The following ATP2B1 variants were observed in gnomAD, a reference collection of about 807,000 sequenced individuals.
The protein encoded by ATP2B1 is ATPase plasma membrane Ca2+ transporting 1, also known as plasma membrane calcium-transporting ATPase 1.
Under a neutral mutation model 124.2 loss-of-function variants are expected in ATP2B1, and 14 were observed. The ratio of observed to expected loss-of-function variants is 0.11; its 90% CI spans 0.07 to 0.18. The LOEUF (loss-of-function observed/expected upper bound fraction) is 0.18, where lower values mean the gene tolerates loss of function less well. Ranked by LOEUF, ATP2B1 falls within the 10% of genes least tolerant of loss-of-function variation. The pLI is 1.00. For missense variants in ATP2B1, 763 were observed against 1,466.1 expected, an observed-to-expected ratio of 0.52 and a Z score of 7.83; for synonymous variants, 449 against 492.4, an observed-to-expected ratio of 0.91 and a Z score of 1.17.
chr12:89,610,322 T>C, intron 14 of ATP2B1, 99 bp downstream of exon 14: 1 of 1,016,278 alleles, frequency 9.8e-7, no homozygotes, highest in East Asian at 2.4e-5. Flanking sequence ...ACAGATGATA[T>C]CCATGACTCA....
At chr12:89,594,144 TACATAC>T (rs1874118245) in intron 20 of ATP2B1, 13 of 152,010 alleles carry the variant, frequency 8.6e-5, no homozygotes. Context: ...GTTCTCGAGA[TACATAC>T]AATAAAGCTC....
chr12:89,647,736 G>T (rs900203693), intron 2 of ATP2B1, among the ~76,000 whole-genome samples: 1 of 152,190 alleles, frequency 6.6e-6, no homozygotes, highest in Non-Finnish European at 1.5e-5. Flanking sequence ...ACGTTGAAAT[G>T]TGATTACAAA....
chr12:89,686,728 T>C (rs1348056656), intron 1 of ATP2B1, among the ~76,000 whole-genome samples: 1 of 152,164 alleles, frequency 6.6e-6, no homozygotes, highest in Non-Finnish European at 1.5e-5. Context: ...GGCATATTTA[T>C]GTTCATTCTC....
In ATP2B1 at chr12:89,591,115, T is replaced by C; in HGVS notation, c.3532A>G (p.Ser1178Gly). The C allele has an allele frequency of 1.2e-6, 2 of 1,613,294 alleles. No individual in the cohort carries two copies. The highest frequency in any genetic ancestry group is 1.7e-6 in the Non-Finnish European group (2 of 1,179,412). The part of the protein sequence containing the change: ...EDDAPTKRNS[S>G]PPPSPNKNNN... ...TTTTTGTTGGGAGAGGGTGGAGGACTGGAGTTACGTTTTGTAGGAGCATCA... is the reference window on the plus strand; with the variant it reads ...TTTTTGTTGGGAGAGGGTGGAGGACCGGAGTTACGTTTTGTAGGAGCATCA... Residue 1178 changes from serine (S) to glycine (G), a missense_variant, in exon 21 of 21, where the codon AGT (serine) becomes GGT (glycine). Physicochemically the swap from Ser to Gly is moderately conservative, Grantham distance 56. This residue lies in a region of ATP2B1 where 97 missense variants were observed against 94.7 expected (regional missense o/e 1.02). Transcript: ENST00000428670.
At position 89,616,814 on chromosome 12, in the gene ATP2B1, A is replaced by G. The variant is rs1217365543; in HGVS notation, c.2055T>C (p.Pro685=). The part of the protein sequence containing the change: ...TCIAVVGIED[P]VRPEVPDAIK... ...AATGTTTCACCACCTCAGGTCTCAC[A>G]GGATCTTCAATCCCCACAACAGCAA... The change falls in exon 12 of 21, where the codon CCT becomes CCC. Residue 685 remains proline (P), a synonymous_variant. Coordinates refer to ENST00000428670, the MANE Select transcript of ATP2B1 (RefSeq NM_001366521.1). The G allele has an allele frequency of 6.2e-7, 1 of 1,613,324 alleles. No homozygotes were observed.
intron 1 of ATP2B1, among the ~76,000 whole-genome samples, chr12:89,707,845 G>A (rs902687333): frequency 6.6e-6 from 1 of 152,188 alleles, no homozygotes; most frequent in South Asian, 2.1e-4. Flanking sequence ...ATGGGATAAA[G>A]AGAGCACAGC....
chr12:89,643,065 T>TACACACACACACAC lies in ATP2B1; in HGVS notation c.209-724_209-711dup, dbSNP rs145355576. Among the ~76,000 whole-genome samples the TACACACACACACAC allele has an allele frequency of 7.1e-3, 1,018 of 143,608 alleles. 6 individuals carry two copies. The highest frequency in any genetic ancestry group is 0.011 in the Middle Eastern group (3 of 278). 94.2% of individuals were successfully genotyped at this position (143,608 alleles called of 152,430 possible). A position where few individuals can be genotyped will look rare whatever the true frequency, so the allele number is the denominator to read the frequency against. Reference sequence around the variant, plus strand: ...TGGGAAGTTTATATATAAAGATACATACACACACACACACACACACACACA... The same window carrying TACACACACACACAC: ...TGGGAAGTTTATATATAAAGATACATACACACACACACACACACACACACACACACACACACACA... On this transcript the variant is annotated intron_variant, in intron 2 of 20. Transcript: ENST00000428670.
chr12:89,604,602 A>C (rs1876478073), intron 15 of ATP2B1, among the ~76,000 whole-genome samples: 1 of 152,204 alleles, frequency 6.6e-6, no homozygotes, highest in Non-Finnish European at 1.5e-5. Flanking sequence ...ATGAACAAAG[A>C]CATTACCCAA....
chr12:89,602,520 T>TA (rs564811640), intron 18 of ATP2B1, among the ~76,000 whole-genome samples: 4 of 152,226 alleles, frequency 2.6e-5, no homozygotes, highest in Non-Finnish European at 5.9e-5. Flanking sequence ...CTTGTACAGA[T>TA]AGATTTCCAA....
At chr12:89,639,031 A>T in intron 3 of ATP2B1, among the ~76,000 whole-genome samples, 1 of 152,152 alleles carries the variant, frequency 6.6e-6, no homozygotes, top group East Asian at 1.9e-4. Context: ...CTATAGATTT[A>T]TTTATGGTTT....
At chr12:89,592,701 G>A (rs999066805) in intron 20 of ATP2B1, among the ~76,000 whole-genome samples, 14 of 152,068 alleles carry the variant, frequency 9.2e-5, no homozygotes, top group African/African-American at 3.4e-4. Flanking sequence ...ACTATAAAAT[G>A]GGAAATAGCA....
intron 8 of ATP2B1, among the ~76,000 whole-genome samples, chr12:89,626,071 G>A (rs893200177): frequency 6.6e-6 from 1 of 152,142 alleles, no homozygotes; most frequent in South Asian, 2.1e-4. Flanking sequence ...TAACATTAGA[G>A]ACATAACTAA....
chr12:89,668,813 A>G (rs1215123476), intron 1 of ATP2B1, among the ~76,000 whole-genome samples: 1 of 152,164 alleles, frequency 6.6e-6, no homozygotes, highest in Non-Finnish European at 1.5e-5. Flanking sequence ...ATTTGTTCCA[A>G]TATAGCTCTT....
intron 1 of ATP2B1, among the ~76,000 whole-genome samples, chr12:89,659,490 G>A (rs990556072): frequency 2.0e-5 from 3 of 152,092 alleles, no homozygotes; most frequent in South Asian, 2.1e-4. Context: ...ACTGTGAATG[G>A]GTAGGGCCTT....
chr12:89,591,877 A>C (rs1873637050), intron 20 of ATP2B1, among the ~76,000 whole-genome samples: 1 of 152,060 alleles, frequency 6.6e-6, no homozygotes. Flanking sequence ...GCCATTAAAC[A>C]GCTATAAATA....
chr12:89,639,553 A>G (rs764954202), intron 3 of ATP2B1, among the ~76,000 whole-genome samples: 3 of 149,716 alleles, frequency 2.0e-5, no homozygotes, highest in Non-Finnish European at 4.4e-5. Context: ...ATCTGTCTCA[A>G]TATACATATT....
In ATP2B1 at chr12:89,620,131, T is replaced by C; in HGVS notation, c.1697A>G (p.Glu566Gly). 1.2e-6 allele frequency: 2 copies of C among 1,614,100 alleles called. No individual in the cohort carries two copies. The highest frequency in any genetic ancestry group is 1.7e-6 in the Non-Finnish European group (2 of 1,179,986). The change falls in exon 11 of 21, where the codon GAA becomes GGA. Residue 566 changes from glutamate to glycine, a missense_variant. Glu to Gly is a moderately conservative substitution (Grantham distance 98). Coordinates refer to ENST00000428670, the MANE Select transcript of ATP2B1 (RefSeq NM_001366521.1). ...TTTGTACAGTGCTTCTTCTGGTATT[T>C]CATTTCTAACATCCTGATAATCCCG... ...LKRDYQDVRN[E>G]IPEEALYKVY...
intron 1 of ATP2B1, among the ~76,000 whole-genome samples, chr12:89,686,627 A>G (rs1890004711): frequency 6.6e-6 from 1 of 152,104 alleles, no homozygotes; most frequent in South Asian, 2.1e-4. Flanking sequence ...GTTATGGCCA[A>G]CTAATCATAC....
chr12:89,648,325 A>G (rs1884781059), intron 2 of ATP2B1, among the ~76,000 whole-genome samples: 1 of 152,220 alleles, frequency 6.6e-6, no homozygotes, highest in African/African-American at 2.4e-5. Context: ...ACAAGTTCTC[A>G]GATGGAAATG....
Sources: gnomAD v4.1 joint callset for allele counts (sites outside exome capture counted in the v4.1 genomes callset) on GRCh38, gnomAD v4.1.1 for gene constraint, gnomAD v4.1.1 regional missense constraint, MANE v1.5 for transcripts, NCBI Gene and HGNC (gene_info 2026-07-23, HGNC 2026-07-21) for gene names.